The following SLAMF6 variants were observed in gnomAD, a reference collection of about 807,000 sequenced individuals.
SLAMF6 encodes SLAM family member 6.
Under a neutral mutation model 38.3 loss-of-function variants are expected in SLAMF6, and 21 were observed. The observed-to-expected ratio is 0.55, with a 90% confidence interval of 0.39 to 0.79. The LOEUF is 0.79. SLAMF6 is among the 30% of genes least tolerant of loss of function. The pLI, the probability that SLAMF6 is intolerant of heterozygous loss-of-function variation, is 0.00. For missense variants in SLAMF6, 341 were observed against 385.3 expected (o/e 0.89, Z 0.96); for synonymous variants, 152 against 146.3 (o/e 1.04, Z -0.28).
chr1:160,496,005 G>T, intron 2 of SLAMF6, 56 bp downstream of exon 2: 1 of 1,478,432 alleles, frequency 6.8e-7, no homozygotes, highest in Non-Finnish European at 9.3e-7. Context: ...ACATAGGATT[G>T]GAATACATGT....
chr1:160,493,807 A>T (rs1653425675), intron 2 of SLAMF6, among the ~76,000 whole-genome samples: 1 of 152,158 alleles, frequency 6.6e-6, no homozygotes, highest in Admixed American at 6.5e-5. Flanking sequence ...ACTTACAATC[A>T]TGACGGAAGG....
At chr1:160,506,323 C>G (rs1438382907) in intron 1 of SLAMF6, among the ~76,000 whole-genome samples, 2 of 152,036 alleles carry the variant, frequency 1.3e-5, no homozygotes, top group Non-Finnish European at 2.9e-5. Context: ...CAGCCAATTT[C>G]TCAGAAGAAT....
At chr1:160,504,395 A>T (rs937314469) in intron 1 of SLAMF6, among the ~76,000 whole-genome samples, 1 of 142,160 alleles carries the variant, frequency 7.0e-6, no homozygotes, top group Non-Finnish European at 1.5e-5. Flanking sequence ...ATACACAATT[A>T]AAAAAAAATC....
Position 160,514,434 on chromosome 1 carries a change from T to A in SLAMF6, c.49+8710A>T, listed in dbSNP as rs1571313948. Among the ~76,000 whole-genome samples the A allele has an allele frequency of 2.0e-5, 3 of 152,296 alleles. No homozygotes were observed. The East Asian group carries it at 5.8e-4, about 29-fold the overall frequency. On this transcript the variant is annotated intron_variant, in intron 1 of 7. Transcript: ENST00000368057. ...AGACTTTAACATCCACTGTCAATAT[T>A]AGGCAGATCATTCAGACAGAAAATT...
chr1:160,510,692 A>C (rs1654427998), intron 1 of SLAMF6, among the ~76,000 whole-genome samples: 2 of 152,198 alleles, frequency 1.3e-5, no homozygotes, highest in African/African-American at 4.8e-5. Flanking sequence ...AACAGTGCCC[A>C]GTCTCACCAC....
At chr1:160,513,863 G>A (rs1654615506) in intron 1 of SLAMF6, among the ~76,000 whole-genome samples, 1 of 152,102 alleles carries the variant, frequency 6.6e-6, no homozygotes, top group Non-Finnish European at 1.5e-5. Context: ...CCTGAAGGAA[G>A]CACTAAATAT....
In SLAMF6 at chr1:160,487,133, T is replaced by C. The variant is rs2102010470; in HGVS notation, c.922A>G (p.Ile308Val). ...WTPRENDTIT[I>V]YSTINHSKES... ...TTGGAATGATTAATTGTGGAGTAAA[T>C]TGTGATAGTATCATTTTCTCTAGGT... The change falls in exon 7 of 8, where the codon ATT (isoleucine) becomes GTT (valine). Residue 308 changes from isoleucine (I) to valine (V), a missense_variant. Ile to Val is a conservative substitution (Grantham distance 29). Coordinates refer to ENST00000368057, the MANE Select transcript of SLAMF6 (RefSeq NM_001184714.2). 6.2e-7 allele frequency: 1 copy of C among 1,613,240 alleles called. No individual in the cohort carries two copies. The highest frequency in any genetic ancestry group is 8.5e-7 in the Non-Finnish European group (1 of 1,179,664).
chr1:160,506,666 T>A (rs185125290), intron 1 of SLAMF6, among the ~76,000 whole-genome samples: 2 of 152,278 alleles, frequency 1.3e-5, no homozygotes, highest in East Asian at 3.9e-4. Flanking sequence ...TTCTCCTTTT[T>A]CCCACATGAT....
intron 1 of SLAMF6, among the ~76,000 whole-genome samples, chr1:160,506,918 A>T (rs577581746): frequency 6.6e-6 from 1 of 152,294 alleles, no homozygotes; most frequent in African/African-American, 2.4e-5. Flanking sequence ...GAAATGAGAA[A>T]GGAATCTAAA....
intron 1 of SLAMF6, among the ~76,000 whole-genome samples, chr1:160,517,642 G>T (rs920149823): frequency 2.6e-5 from 4 of 152,136 alleles, no homozygotes; most frequent in Non-Finnish European, 2.9e-5. Context: ...AGAAAATGTG[G>T]AACATATACA....
At position 160,523,124 on chromosome 1, in the gene SLAMF6, C is replaced by T. The variant is rs138754545; in HGVS notation, c.49+20G>A. 2.0e-5 allele frequency: 33 copies of T among 1,613,304 alleles called. No homozygotes were observed. In the African/African-American group the frequency reaches 2.9e-4, roughly 14 times the overall value. Reference sequence around the variant, plus strand: ...CCAGGGAGTCACTCAGTGACTACACCGATCTGGATTGACATTTACCTGGGC... The same window carrying T: ...CCAGGGAGTCACTCAGTGACTACACTGATCTGGATTGACATTTACCTGGGC... On this transcript the variant is annotated intron_variant, in intron 1 of 7. Coordinates refer to ENST00000368057, the MANE Select transcript of SLAMF6 (RefSeq NM_001184714.2).
chr1:160,506,046 G>A (rs879645850), intron 1 of SLAMF6, among the ~76,000 whole-genome samples: 4 of 151,922 alleles, frequency 2.6e-5, no homozygotes, highest in Non-Finnish European at 4.4e-5. Context: ...CAAAAAATAA[G>A]CATAATAGGA....
chr1:160,489,779 A>G (rs1236056161), intron 5 of SLAMF6, among the ~76,000 whole-genome samples: 2 of 152,150 alleles, frequency 1.3e-5, no homozygotes, highest in African/African-American at 2.4e-5. Flanking sequence ...TTGTGTTTCT[A>G]TATCATGTTT....
rs1653818354 is a variant in SLAMF6, at chr1:160,500,366, C to A, written c.50-3973G>T. Among the ~76,000 whole-genome samples the A allele has an allele frequency of 2.0e-5, 3 of 152,202 alleles. No individual in the cohort carries two copies. In the South Asian group the frequency reaches 6.2e-4, roughly 32 times the overall value. On this transcript the variant is annotated intron_variant, in intron 1 of 7. Coordinates refer to ENST00000368057, the MANE Select transcript of SLAMF6 (RefSeq NM_001184714.2). ...CCCCCTTGTTCACTTTGCTCCAGCCCCCTTGGCTATTCCTTGAGCAGGCCA... is the reference window on the plus strand; with the variant it reads ...CCCCCTTGTTCACTTTGCTCCAGCCACCTTGGCTATTCCTTGAGCAGGCCA...
At chr1:160,501,258 G>C (rs1428396413) in intron 1 of SLAMF6, among the ~76,000 whole-genome samples, 1 of 152,122 alleles carries the variant, frequency 6.6e-6, no homozygotes, top group Non-Finnish European at 1.5e-5. Flanking sequence ...AGTCCTCTGG[G>C]TCCATCATCT....
At chr1:160,498,888 T>TAAAAAA (rs1653735389) in intron 1 of SLAMF6, among the ~76,000 whole-genome samples, 2 of 152,318 alleles carry the variant, frequency 1.3e-5, no homozygotes, top group African/African-American at 4.8e-5. Flanking sequence ...TTCATGTCCT[T>TAAAAAA]TGCCCATTTT....
At chr1:160,500,230 T>C (rs1653811191) in intron 1 of SLAMF6, among the ~76,000 whole-genome samples, 1 of 152,228 alleles carries the variant, frequency 6.6e-6, no homozygotes, top group Non-Finnish European at 1.5e-5. Context: ...TATTTCAGTT[T>C]AAAAAGTTAA....
At chr1:160,490,320 G>A in intron 4 of SLAMF6, 84 bp from the exon 5 acceptor site, 1 of 1,597,380 alleles carries the variant, frequency 6.3e-7, no homozygotes, top group East Asian at 2.2e-5. Flanking sequence ...GTTGGGATGT[G>A]GTGGGAGGGG....
chr1:160,511,950 G>T lies in SLAMF6; in HGVS notation c.49+11194C>A, dbSNP rs141104330. On this transcript the variant is annotated intron_variant, in intron 1 of 7. Transcript: ENST00000368057. Reference sequence around the variant, plus strand: ...CAGCCAAGGGAAGTGGTGAGTGATTGTGCTACCCCACCCAGGAAACCATGC... The same window carrying T: ...CAGCCAAGGGAAGTGGTGAGTGATTTTGCTACCCCACCCAGGAAACCATGC... Among the ~76,000 whole-genome samples, 866 of 152,288 alleles carry T rather than the reference G, an allele frequency of 5.7e-3. 6 individuals carry two copies. Among genetic ancestry groups the T allele is most frequent in the African/African-American group, 0.02 (838 of 41,562 alleles).
Sources: gnomAD v4.1 joint callset for allele counts (sites outside exome capture counted in the v4.1 genomes callset) on GRCh38, gnomAD v4.1.1 for gene constraint, MANE v1.5 for transcripts, NCBI Gene and HGNC (gene_info 2026-07-23, HGNC 2026-07-21) for gene names.